ANO3: variants seen among roughly 807,000 people sequenced by gnomAD.
ANO3 encodes the protein anoctamin-3.
Under a neutral mutation model 144.8 loss-of-function variants are expected in ANO3, and 99 were observed. The ratio of observed to expected loss-of-function variants is 0.68; its 90% CI spans 0.58 to 0.81. The LOEUF is 0.81. ANO3 is among the 30% of genes least tolerant of loss of function. The pLI is 0.00. For synonymous variants in ANO3, 414 were observed against 392.6 expected, an observed-to-expected ratio of 1.05 and a Z score of -0.64; for missense variants, 905 against 1,202.2, an observed-to-expected ratio of 0.75 and a Z score of 3.66.
At chr11:26,557,388 G>A (rs1449300409) in intron 13 of ANO3, among the ~76,000 whole-genome samples, 2 of 146,498 alleles carry the variant, frequency 1.4e-5, no homozygotes, top group African/African-American at 2.5e-5. Flanking sequence ...GTGAACCCAG[G>A]AAACAGAGCT....
Position 26,537,269 on chromosome 11 carries a change from G to T in ANO3, c.977-137G>T, listed in dbSNP as rs528592855. 1.7e-4 allele frequency: 114 copies of T among 686,252 alleles called. 1 individual carries two copies. The highest frequency in any genetic ancestry group is 3.3e-4 in the Admixed American group (15 of 45,220). 42.5% of individuals were successfully genotyped at this position (686,252 alleles called of 1,614,324 possible). A position where few individuals can be genotyped will look rare whatever the true frequency, so the allele number is the denominator to read the frequency against. On this transcript the variant is annotated intron_variant, in intron 9 of 26. Coordinates refer to ENST00000256737, the MANE Select transcript of ANO3 (RefSeq NM_031418.4). ...CTTTCACAATCTCACTGTCCTCATAGGTGATGTGGCTATGGAAGTCATTTG... is the reference window on the plus strand; with the variant it reads ...CTTTCACAATCTCACTGTCCTCATATGTGATGTGGCTATGGAAGTCATTTG...
At chr11:26,278,051 G>A (rs1235207483) in intron 1 of ANO3, among the ~76,000 whole-genome samples, 1 of 152,056 alleles carries the variant, frequency 6.6e-6, no homozygotes, top group Non-Finnish European at 1.5e-5. Context: ...CATCATTTTA[G>A]TATTGACTAT....
intron 14 of ANO3, among the ~76,000 whole-genome samples, chr11:26,563,658 T>C (rs1044127909): frequency 6.6e-6 from 1 of 151,888 alleles, no homozygotes; most frequent in Non-Finnish European, 1.5e-5. Flanking sequence ...CTTGTTTCTG[T>C]AAATAATTCA....
At chr11:26,303,381 T>G (rs571840876) in intron 1 of ANO3, among the ~76,000 whole-genome samples, 6 of 152,276 alleles carry the variant, frequency 3.9e-5, no homozygotes, top group Admixed American at 2.0e-4. Flanking sequence ...TGAATGAAAT[T>G]ATGCCCTTCG....
At chr11:26,308,073 G>A (rs1290891012), upstream of ANO3, among the ~76,000 whole-genome samples, 1 of 152,040 alleles carries the variant, frequency 6.6e-6, no homozygotes, top group African/African-American at 2.4e-5. Flanking sequence ...AATTTATTAT[G>A]GCTTTTCTGA....
chr11:26,277,081 CA>C (rs951043999), intron 1 of ANO3, among the ~76,000 whole-genome samples: 1 of 151,950 alleles, frequency 6.6e-6, no homozygotes, highest in African/African-American at 2.4e-5. Context: ...TACTTGGGGG[CA>C]GGGGTAATTT....
chr11:26,391,566 T>A (rs1856880111), intron 1 of ANO3, among the ~76,000 whole-genome samples: 1 of 152,058 alleles, frequency 6.6e-6, no homozygotes, highest in African/African-American at 2.4e-5. Flanking sequence ...AGCATACACT[T>A]TCTAGTTTTG....
At chr11:26,273,971 T>C (rs989309010) in intron 1 of ANO3, among the ~76,000 whole-genome samples, 6 of 152,072 alleles carry the variant, frequency 3.9e-5, no homozygotes, top group African/African-American at 1.2e-4. Flanking sequence ...ATTCTCCACA[T>C]CACTGGCAAA....
At chr11:26,516,948 A>G in intron 6 of ANO3, 21 bp downstream of exon 6, 2 of 1,438,174 alleles carry the variant, frequency 1.4e-6, no homozygotes, top group Non-Finnish European at 1.9e-6. Flanking sequence ...ATTTTACTTT[A>G]TTTTATCTCA....
At chr11:26,297,600 G>T (rs1465332680) in intron 1 of ANO3, among the ~76,000 whole-genome samples, 1 of 152,102 alleles carries the variant, frequency 6.6e-6, no homozygotes, top group South Asian at 2.1e-4. Flanking sequence ...CAAAATAAAA[G>T]ACTGGTCATT....
intron 14 of ANO3, among the ~76,000 whole-genome samples, chr11:26,574,959 C>A (rs1291313311): frequency 6.6e-6 from 1 of 151,966 alleles, no homozygotes; most frequent in East Asian, 1.9e-4. Context: ...TAAACCTGGT[C>A]AATCAACTAA....
chr11:26,268,635 A>G (rs1351504721), intron 1 of ANO3, among the ~76,000 whole-genome samples: 1 of 152,146 alleles, frequency 6.6e-6, no homozygotes, highest in East Asian at 1.9e-4. Context: ...AATTAAGAGG[A>G]GATTGCCAGA....
chr11:26,407,057 T>TATATATGG (rs1857302175), intron 1 of ANO3, among the ~76,000 whole-genome samples: 1 of 82,596 alleles, frequency 1.2e-5, no homozygotes, highest in African/African-American at 3.4e-5. Context: ...GGTGTGTGTG[T>TATATATGG]GTGTGTGTGT....
chr11:26,617,091 C>G (rs1852284285), intron 17 of ANO3, among the ~76,000 whole-genome samples: 1 of 152,100 alleles, frequency 6.6e-6, no homozygotes, highest in East Asian at 1.9e-4. Context: ...TTTATATTAT[C>G]ACTAATATTG....
rs550162796 is a variant in ANO3, at chr11:26,332,765, T to A, written c.46+444T>A. ...TTACACAATCATAAGATAAATGAATTCTTGGGGGAGTTCCAGAGTTGGCCT... is the reference window on the plus strand; with the variant it reads ...TTACACAATCATAAGATAAATGAATACTTGGGGGAGTTCCAGAGTTGGCCT... On this transcript the variant is annotated intron_variant, in intron 1 of 26. Transcript: ENST00000256737. Among the ~76,000 whole-genome samples, 15 of 152,272 alleles carry A rather than the reference T, an allele frequency of 9.9e-5. 1 individual carries two copies. Among genetic ancestry groups the A allele is most frequent in the Middle Eastern group, 3.4e-3 (1 of 294 alleles).
At chr11:26,248,474 T>C (rs1852850308) in intron 1 of ANO3, among the ~76,000 whole-genome samples, 1 of 152,232 alleles carries the variant, frequency 6.6e-6, no homozygotes, top group African/African-American at 2.4e-5. Context: ...TTTACTTTGA[T>C]TTCTGCTTAC....
chr11:26,537,668 G>T (rs536198181), intron 10 of ANO3, among the ~76,000 whole-genome samples: 1 of 152,244 alleles, frequency 6.6e-6, no homozygotes, highest in African/African-American at 2.4e-5. Context: ...CCCATACTGG[G>T]AATCCCAGCC....
At chr11:26,601,448 T>G (rs913468497) in intron 17 of ANO3, among the ~76,000 whole-genome samples, 2 of 152,204 alleles carry the variant, frequency 1.3e-5, no homozygotes, top group African/African-American at 4.8e-5. Flanking sequence ...CAGTTTAGTT[T>G]GTAGAAAGTG....
intron 1 of ANO3, among the ~76,000 whole-genome samples, chr11:26,284,713 C>A (rs949972471): frequency 2.0e-5 from 3 of 151,684 alleles, no homozygotes; most frequent in Admixed American, 1.3e-4. Context: ...TCCTGGCTAA[C>A]ACGGTGAAAC....
Sources: allele counts gnomAD v4.1 joint callset (sites outside exome capture counted in the v4.1 genomes callset), GRCh38; gene constraint gnomAD v4.1.1; transcripts MANE v1.5; gene names NCBI Gene and HGNC (gene_info 2026-07-23, HGNC 2026-07-21).